The following USP13 variants were observed in gnomAD, a reference collection of about 807,000 sequenced individuals.
USP13 encodes the protein ubiquitin specific peptidase 13, also known as ubiquitin carboxyl-terminal hydrolase 13.
USP13 carries 68 observed loss-of-function variants against 107.8 expected under a neutral mutation model. The observed-to-expected ratio is 0.63, with a 90% CI of 0.52 to 0.77. The LOEUF is 0.77. Among genes scored for constraint, USP13 ranks in the 30% least tolerant of loss-of-function variants. The pLI is 0.00. For missense variants in USP13, 945 were observed against 1,093.3 expected, an observed-to-expected ratio of 0.86 and a Z score of 1.91; for synonymous variants, 377 against 389.5, an observed-to-expected ratio of 0.97 and a Z score of 0.38.
intron 2 of USP13, 78 bp from the exon 3 acceptor site, chr3:179,690,163 C>T: frequency 7.3e-7 from 1 of 1,379,154 alleles, no homozygotes; most frequent in Non-Finnish European, 1.0e-6. Flanking sequence ...AAACTAGGAA[C>T]CTCTGAGATG....
chr3:179,720,094 A>G, intron 7 of USP13, 60 bp downstream of exon 7: 1 of 1,269,376 alleles, frequency 7.9e-7, no homozygotes, highest in Non-Finnish European at 1.1e-6. Context: ...GGAGACGGCA[A>G]GGGAACTGCT....
At chr3:179,670,016 C>T (rs1215613187) in intron 1 of USP13, among the ~76,000 whole-genome samples, 1 of 151,424 alleles carries the variant, frequency 6.6e-6, no homozygotes. Context: ...CCTGTACTGT[C>T]GCCACCTTTT....
rs780962089 is a variant in USP13, at chr3:179,784,126, C to T, written c.2577C>T (p.Arg859=). The T allele has an allele frequency of 6.8e-5, 109 of 1,610,362 alleles. No homozygotes were observed. The highest frequency in any genetic ancestry group is 9.1e-5 in the Non-Finnish European group (107 of 1,178,886). Residue 859 remains arginine, a synonymous_variant, in exon 21 of 21, where the codon CGC becomes CGT. Transcript: ENST00000263966. ...ACCTGGGCTACATGTACTTTTACCG[C>T]AGGATACCAAGCTAAACCTCAAATA... The part of the protein sequence containing the change: ...PKDLGYMYFY[R]RIPS
chr3:179,654,671 C>G (rs1720199020), intron 1 of USP13, among the ~76,000 whole-genome samples: 1 of 152,172 alleles, frequency 6.6e-6, no homozygotes, highest in Admixed American at 6.5e-5. Flanking sequence ...TGGACCGAGG[C>G]AGGTCTCGCA....
At chr3:179,731,065 C>T (rs1713786572) in intron 10 of USP13, among the ~76,000 whole-genome samples, 2 of 152,140 alleles carry the variant, frequency 1.3e-5, no homozygotes, top group Non-Finnish European at 2.9e-5. Flanking sequence ...TCTTCCTTCT[C>T]CTAAGCCTCA....
In USP13 at chr3:179,697,847, C is replaced by T. The variant is rs6771683; in HGVS notation, c.356-3161C>T. On this transcript the variant is annotated intron_variant, in intron 3 of 20. Coordinates refer to ENST00000263966, the MANE Select transcript of USP13 (RefSeq NM_003940.3). ...TTGGATTAAGTTTTTTGGGAAAGATCATGCCCCTCTTCCATTCCATTGAAT... is the reference window on the plus strand; with the variant it reads ...TTGGATTAAGTTTTTTGGGAAAGATTATGCCCCTCTTCCATTCCATTGAAT... Among the ~76,000 whole-genome samples the T allele has an allele frequency of 5.4e-3, 821 of 152,298 alleles. 8 individuals are homozygous for T. Among genetic ancestry groups the T allele is most frequent in the African/African-American group, 0.019 (775 of 41,552 alleles).
At chr3:179,754,885 A>G in intron 15 of USP13, 31 bp downstream of exon 15, 1 of 1,583,146 alleles carries the variant, frequency 6.3e-7, no homozygotes, top group Non-Finnish European at 8.6e-7. Flanking sequence ...AATATGCGCT[A>G]CCCTCCCACC....
At chr3:179,701,483 GA>G (rs1712521688) in intron 4 of USP13, among the ~76,000 whole-genome samples, 4 of 152,116 alleles carry the variant, frequency 2.6e-5, no homozygotes, top group Admixed American at 2.6e-4. Context: ...GGGACTGCTG[GA>G]GAGGGACTCT....
chr3:179,679,646 A>T (rs958081374), intron 1 of USP13, among the ~76,000 whole-genome samples: 7 of 152,290 alleles, frequency 4.6e-5, no homozygotes, highest in African/African-American at 1.7e-4. Flanking sequence ...TAAAATTCAG[A>T]CATATCCTTG....
chr3:179,780,084 A>G (rs1392834715), intron 19 of USP13, among the ~76,000 whole-genome samples: 1 of 152,242 alleles, frequency 6.6e-6, no homozygotes, highest in Non-Finnish European at 1.5e-5. Context: ...ATCTTCCTCA[A>G]CGTGATAAAA....
At chr3:179,723,136 A>G (rs1000885464) in intron 8 of USP13, among the ~76,000 whole-genome samples, 36 of 152,362 alleles carry the variant, frequency 2.4e-4, no homozygotes, top group African/African-American at 8.4e-4. Flanking sequence ...GGAATAGTCC[A>G]GGTCATGTTT....
intron 2 of USP13, among the ~76,000 whole-genome samples, chr3:179,683,700 T>C (rs1483283500): frequency 6.6e-6 from 1 of 152,116 alleles, no homozygotes; most frequent in Non-Finnish European, 1.5e-5. Context: ...CATGGGGGAA[T>C]TGTGGGAGTT....
chr3:179,656,247 T>C (rs1439105594), intron 1 of USP13, among the ~76,000 whole-genome samples: 1 of 152,208 alleles, frequency 6.6e-6, no homozygotes, highest in Admixed American at 6.5e-5. Flanking sequence ...AGAAGTGAGG[T>C]AGAACCAAGT....
chr3:179,682,097 A>C (rs755749868), intron 2 of USP13, 94 bp downstream of exon 2: 1 of 1,456,958 alleles, frequency 6.9e-7, no homozygotes, highest in Non-Finnish European at 9.2e-7. Context: ...CCATGCCCAC[A>C]TAACTTCCGA....
chr3:179,766,128 T>C (rs1236460387), intron 19 of USP13, among the ~76,000 whole-genome samples: 1 of 152,046 alleles, frequency 6.6e-6, no homozygotes, highest in African/African-American at 2.4e-5. Flanking sequence ...TACAGGCATG[T>C]GCCACCACAC....
rs190807888 is a variant in USP13, at chr3:179,662,413, C to T, written c.168+9020C>T. 4.8e-3 allele frequency among the ~76,000 whole-genome samples: 728 copies of T among 152,224 alleles called. 2 individuals are homozygous for T. The highest frequency in any genetic ancestry group is 7.6e-3 in the Non-Finnish European group (520 of 68,004). ...ATTGCCAGTTCTGGAGTCTTTTGGG[C>T]ATTCTGGGGTGAAGATCAGGTTGGA... On this transcript the variant is annotated intron_variant, in intron 1 of 20. Coordinates refer to ENST00000263966, the MANE Select transcript of USP13 (RefSeq NM_003940.3).
intron 1 of USP13, among the ~76,000 whole-genome samples, chr3:179,658,873 C>G (rs911510473): frequency 6.6e-6 from 1 of 152,210 alleles, no homozygotes; most frequent in Admixed American, 6.5e-5. Context: ...GCAGGACCAG[C>G]AGCAGCTGAG....
chr3:179,778,391 A>C (rs1366403936), intron 19 of USP13, among the ~76,000 whole-genome samples: 1 of 152,214 alleles, frequency 6.6e-6, no homozygotes, highest in East Asian at 1.9e-4. Flanking sequence ...CAGTAAACAA[A>C]ACAAACTCCC....
At position 179,678,305 on chromosome 3, in the gene USP13, T is replaced by A. The variant is rs1711537085; in HGVS notation, c.169-3573T>A. Among the ~76,000 whole-genome samples, 1 of 152,238 alleles carries A rather than the reference T, an allele frequency of 6.6e-6. No individual in the cohort carries two copies. The highest frequency in any genetic ancestry group is 1.5e-5 in the Non-Finnish European group (1 of 68,046). ...AGGAGGTCTATCTATCCAAAGAACA[T>A]GTTTATTTAGAAAACTCTTGAAAAT... On this transcript the variant is annotated intron_variant, in intron 1 of 20. Transcript: ENST00000263966. The surrounding 1 kb of genome is among the most constrained non-coding windows in gnomAD (Gnocchi z 4.2).
Sources: allele counts gnomAD v4.1 joint callset (sites outside exome capture counted in the v4.1 genomes callset), GRCh38; gene constraint gnomAD v4.1.1; non-coding constraint Gnocchi (gnomAD v3.1); transcripts MANE v1.5; gene names NCBI Gene and HGNC (gene_info 2026-07-23, HGNC 2026-07-21).